ABTB2: variants seen among roughly 807,000 people sequenced by gnomAD.
The protein encoded by ABTB2 is ankyrin repeat and BTB domain containing 2, also known as ankyrin repeat and BTB/POZ domain-containing protein 2.
In ABTB2, 56 loss-of-function variants were observed where a neutral mutation model predicts 104.1. The observed-to-expected ratio is 0.54, with a 90% confidence interval of 0.43 to 0.67. The LOEUF is 0.67. Among genes scored for constraint, ABTB2 ranks in the 30% least tolerant of loss-of-function variants. The pLI is 0.00. For missense variants in ABTB2, 1,279 were observed against 1,407.7 expected, an observed-to-expected ratio of 0.91 and a Z score of 1.46; for synonymous variants, 606 against 608.2, an observed-to-expected ratio of 1.00 and a Z score of 0.05.
chr11:34,187,586 C>A (rs980333786), intron 3 of ABTB2, among the ~76,000 whole-genome samples: 2 of 151,040 alleles, frequency 1.3e-5, no homozygotes, highest in African/African-American at 4.9e-5. Context: ...CAGTCTTGAA[C>A]TCTTGGGCTC....
At chr11:34,254,141 C>T (rs1590231289) in intron 1 of ABTB2, among the ~76,000 whole-genome samples, 2 of 152,322 alleles carry the variant, frequency 1.3e-5, no homozygotes, top group East Asian at 3.9e-4. Flanking sequence ...ATCCTCACAA[C>T]AACACCATAA....
intron 1 of ABTB2, among the ~76,000 whole-genome samples, chr11:34,240,825 C>A (rs984498532): frequency 2.6e-5 from 4 of 152,198 alleles, no homozygotes; most frequent in Non-Finnish European, 5.9e-5. Context: ...GAACTCCTGA[C>A]CTCAGATGAT....
At position 34,352,993 on chromosome 11, in the gene ABTB2, T is replaced by C. The variant is rs547339809; in HGVS notation, c.883+3708A>G. Among the ~76,000 whole-genome samples, 53 of 152,278 alleles carry C rather than the reference T, an allele frequency of 3.5e-4. No homozygotes were observed. In the Middle Eastern group the frequency reaches 0.01, roughly 29 times the overall value. On this transcript the variant is annotated intron_variant, in intron 1 of 16. Coordinates refer to ENST00000435224, the MANE Select transcript of ABTB2 (RefSeq NM_145804.3). ...GGAGGAACCCTTAGAACCCAGGAGT[T>C]CAAGGTTGCAGTGAACTACGATTTT...
intron 1 of ABTB2, among the ~76,000 whole-genome samples, chr11:34,262,642 G>A (rs1298687747): frequency 6.6e-6 from 1 of 152,098 alleles, no homozygotes; most frequent in South Asian, 2.1e-4. Flanking sequence ...AAATTACAAG[G>A]CCCCACAGCA....
intron 1 of ABTB2, among the ~76,000 whole-genome samples, chr11:34,328,005 A>C (rs928569800): frequency 1.3e-5 from 2 of 152,174 alleles, no homozygotes; most frequent in African/African-American, 4.8e-5. Context: ...ACAGTGTGTG[A>C]AAATATTGAG....
At chr11:34,293,196 T>C (rs191450125) in intron 1 of ABTB2, among the ~76,000 whole-genome samples, 4 of 152,184 alleles carry the variant, frequency 2.6e-5, no homozygotes, top group African/African-American at 9.6e-5. Context: ...GCAGAGTAAC[T>C]ATAAATCATG....
At chr11:34,152,605 G>A (rs1293365970) in intron 16 of ABTB2, 21 bp from the exon 17 acceptor site, 2 of 1,596,980 alleles carry the variant, frequency 1.3e-6, no homozygotes, top group Non-Finnish European at 1.7e-6. Flanking sequence ...GAGAGAGGAG[G>A]GGTGAAGCCC....
chr11:34,317,609 C>CAA (rs200564871), intron 1 of ABTB2, among the ~76,000 whole-genome samples: 2 of 151,518 alleles, frequency 1.3e-5, no homozygotes, highest in African/African-American at 4.9e-5. Flanking sequence ...TCCATCTCCA[C>CAA]AAAAAAATAC....
chr11:34,301,943 T>C (rs1854711983), intron 1 of ABTB2, among the ~76,000 whole-genome samples: 1 of 152,210 alleles, frequency 6.6e-6, no homozygotes, highest in African/African-American at 2.4e-5. Flanking sequence ...GCCAAGATGG[T>C]GCCACTGCAC....
In ABTB2 at chr11:34,228,033, C is replaced by T. The variant is rs1205528412; in HGVS notation, c.884-23343G>A. Among the ~76,000 whole-genome samples the T allele has an allele frequency of 4.9e-5, 4 of 81,576 alleles. 1 individual carries two copies. Among genetic ancestry groups the T allele is most frequent in the African/African-American group, 1.8e-4 (4 of 22,738 alleles). The allele number at this position is 81,576 out of a possible 152,430, so 53.5% of individuals were successfully genotyped here. Reference sequence around the variant, plus strand: ...TACAGGCGTGAGCCACCACACTTGGCCTACTTTTTTGTTTGTTTTCTTTTT... The same window carrying T: ...TACAGGCGTGAGCCACCACACTTGGTCTACTTTTTTGTTTGTTTTCTTTTT... On this transcript the variant is annotated intron_variant, in intron 1 of 16. Coordinates refer to ENST00000435224, the MANE Select transcript of ABTB2 (RefSeq NM_145804.3).
In ABTB2 at chr11:34,154,561, T is replaced by C; in HGVS notation, c.2766+140A>G. ...CACGCACTGAGGCTGGGCTCAGTGG[T>C]GTGCACAGTTCCTCTTTCTGGGAAC... On this transcript the variant is annotated intron_variant, in intron 15 of 16. Coordinates refer to ENST00000435224, the MANE Select transcript of ABTB2 (RefSeq NM_145804.3). The surrounding 1 kb of genome is among the most constrained non-coding windows in gnomAD (Gnocchi z 4.9). 1 of 915,028 alleles carries C rather than the reference T, an allele frequency of 1.1e-6. No individual in the cohort carries two copies. Among genetic ancestry groups the C allele is most frequent in the Non-Finnish European group, 1.7e-6 (1 of 586,510 alleles). 56.7% of individuals were successfully genotyped at this position (915,028 alleles called of 1,614,324 possible). A position where few individuals can be genotyped will look rare whatever the true frequency, so the allele number is the denominator to read the frequency against.
At position 34,160,341 on chromosome 11, in the gene ABTB2, T is replaced by G. The variant is rs935086972; in HGVS notation, c.2410A>C (p.Ile804Leu). Residue 804 changes from isoleucine to leucine, a missense_variant, in exon 12 of 17, where the codon ATC becomes CTC. By Grantham distance (5) the Ile-to-Leu change is conservative. Coordinates refer to ENST00000435224, the MANE Select transcript of ABTB2 (RefSeq NM_145804.3). ...GTGAAGATGGTAGCCAGTTGCTGGA[T>G]GACGGAGTCGTTCTGTGGGGAGAGG... is the stretch of plus-strand genomic sequence containing the variant. ...ILKTSKNDSV[I>L]QQLATIFTHC... is the part of the protein sequence containing the mutation. 3 of 1,613,870 alleles carry G rather than the reference T, an allele frequency of 1.9e-6. No individual in the cohort carries two copies. The highest frequency in any genetic ancestry group is 1.3e-5 in the African/African-American group (1 of 74,908).
intron 3 of ABTB2, among the ~76,000 whole-genome samples, chr11:34,177,304 T>C (rs1251425495): frequency 6.6e-6 from 1 of 152,236 alleles, no homozygotes; most frequent in Non-Finnish European, 1.5e-5. Flanking sequence ...GCAGTATTGA[T>C]AGTCCTGGTG....
Position 34,323,460 on chromosome 11 carries a change from T to C in ABTB2, c.883+33241A>G, listed in dbSNP as rs184594890. 1.8e-3 allele frequency among the ~76,000 whole-genome samples: 272 copies of C among 152,332 alleles called. 2 individuals are homozygous for C. Among genetic ancestry groups the C allele is most frequent in the Admixed American group, 2.9e-3 (44 of 15,300 alleles). ...AGGGCATGGTGTCTCTGGCCTGCCTTCTGTAAGTTCACTATGCCTTAAGGC... is the reference window on the plus strand; with the variant it reads ...AGGGCATGGTGTCTCTGGCCTGCCTCCTGTAAGTTCACTATGCCTTAAGGC... On this transcript the variant is annotated intron_variant, in intron 1 of 16. Coordinates refer to ENST00000435224, the MANE Select transcript of ABTB2 (RefSeq NM_145804.3).
chr11:34,265,683 A>C (rs1373768667), intron 1 of ABTB2, among the ~76,000 whole-genome samples: 2 of 149,820 alleles, frequency 1.3e-5, no homozygotes, highest in African/African-American at 4.9e-5. Flanking sequence ...AAAAAAAAAA[A>C]AAAAGCCGGG....
intron 1 of ABTB2, among the ~76,000 whole-genome samples, chr11:34,305,344 G>A (rs567033987): frequency 1.3e-5 from 2 of 152,280 alleles, no homozygotes; most frequent in East Asian, 1.9e-4. Context: ...GCACACATTC[G>A]CTCTGATACC....
In ABTB2 at chr11:34,204,752, G is replaced by T. The variant is rs1590216046; in HGVS notation, c.884-62C>A. On this transcript the variant is annotated intron_variant, in intron 1 of 16. Coordinates refer to ENST00000435224, the MANE Select transcript of ABTB2 (RefSeq NM_145804.3). Reference sequence around the variant, plus strand: ...AGGAGTGGAAGTTCAGTGGGCCCCAGCCTGCTGCAGGCAGGGCTCAGCCCT... The same window carrying T: ...AGGAGTGGAAGTTCAGTGGGCCCCATCCTGCTGCAGGCAGGGCTCAGCCCT... 9 of 1,546,782 alleles carry T rather than the reference G, an allele frequency of 5.8e-6. No homozygotes were observed. In the East Asian group the frequency reaches 1.8e-4, roughly 31 times the overall value.
chr11:34,249,604 G>T (rs1030783542), intron 1 of ABTB2, among the ~76,000 whole-genome samples: 1 of 152,140 alleles, frequency 6.6e-6, no homozygotes, highest in Non-Finnish European at 1.5e-5. Flanking sequence ...TACCCCACTT[G>T]AACATCTAAC....
chr11:34,265,590 G>C (rs532240798), intron 1 of ABTB2, among the ~76,000 whole-genome samples: 2 of 150,086 alleles, frequency 1.3e-5, no homozygotes, highest in Non-Finnish European at 3.0e-5. Context: ...CCCGGGAGGT[G>C]GAGGTTGCGG....
Sources: allele counts gnomAD v4.1 joint callset (sites outside exome capture counted in the v4.1 genomes callset), GRCh38; gene constraint gnomAD v4.1.1; non-coding constraint Gnocchi (gnomAD v3.1); transcripts MANE v1.5; gene names NCBI Gene and HGNC (gene_info 2026-07-23, HGNC 2026-07-21).